Variants in PLBD1 observed in about 807,000 individuals in gnomAD.
The protein encoded by PLBD1 is phospholipase B domain containing 1, also known as lysosomal leucine aminopeptidase.
PLBD1 carries 60 observed loss-of-function variants against 63.0 expected under a neutral mutation model. That is an observed-to-expected ratio of 0.95 (90% CI 0.77 to 1.18). The LOEUF (loss-of-function observed/expected upper bound fraction) is 1.18. Among genes scored for constraint, PLBD1 ranks in the 50% most tolerant of loss-of-function variants. The probability of loss-of-function intolerance (pLI) is 0.00; values close to 1 mark genes in which losing one functional copy is unlikely to be tolerated. For missense variants in PLBD1, 598 were observed against 677.9 expected (o/e 0.88, Z 1.31); for synonymous variants, 262 against 248.0 (o/e 1.06, Z -0.53).
chr12:14,555,324 G>C (rs1352793940), intron 1 of PLBD1, among the ~76,000 whole-genome samples: 1 of 152,132 alleles, frequency 6.6e-6, no homozygotes. Context: ...GATCACCTGA[G>C]GTCAGGGGTT....
chr12:14,508,842 CT>C (rs1195859554), intron 8 of PLBD1, among the ~76,000 whole-genome samples: 1 of 151,988 alleles, frequency 6.6e-6, no homozygotes, highest in East Asian at 1.9e-4. Flanking sequence ...ATTACCATCC[CT>C]TTTTTAAACA....
chr12:14,553,069 A>G, intron 2 of PLBD1, 124 bp downstream of exon 2: 1 of 869,156 alleles, frequency 1.2e-6, no homozygotes, highest in Non-Finnish European at 1.8e-6. Context: ...TGTCTCTATC[A>G]CACATGTGAA....
intron 1 of PLBD1, among the ~76,000 whole-genome samples, chr12:14,554,602 C>G (rs1262587500): frequency 2.0e-5 from 3 of 152,076 alleles, no homozygotes; most frequent in African/African-American, 7.2e-5. Flanking sequence ...TGCACTCACA[C>G]CCTGCACTTC....
chr12:14,540,838 T>C lies in PLBD1; in HGVS notation c.484A>G (p.Thr162Ala). 1.2e-6 allele frequency: 2 copies of C among 1,611,740 alleles called. No homozygotes were observed. The highest frequency in any genetic ancestry group is 1.3e-5 in the African/African-American group (1 of 75,020). ...TCTATTTGTGCCATCACATAGCCTG[T>C]ATGTCTCCAAAATGAATCAGTCTTG... is the stretch of plus-strand genomic sequence containing the variant. ...EYKTDSFWRH[T>A]GYVMAQIDGL... The change falls in exon 4 of 11, where the codon ACA becomes GCA. Residue 162 changes from threonine to alanine, a missense_variant. Thr to Ala is a moderately conservative substitution (Grantham distance 58). Transcript: ENST00000240617.
intron 2 of PLBD1, among the ~76,000 whole-genome samples, chr12:14,550,517 G>C (rs1436146886): frequency 7.9e-5 from 12 of 152,176 alleles, no homozygotes. Flanking sequence ...GAATAGTATA[G>C]CGAGTGTCTT....
At chr12:14,514,736 T>C (rs1218069685) in intron 6 of PLBD1, among the ~76,000 whole-genome samples, 13 of 146,376 alleles carry the variant, frequency 8.9e-5, no homozygotes, top group Non-Finnish European at 2.0e-4. Context: ...ATTATAATCT[T>C]TTTAAATTTT....
intron 8 of PLBD1, among the ~76,000 whole-genome samples, chr12:14,509,355 G>C (rs1209632865): frequency 6.6e-6 from 1 of 152,148 alleles, no homozygotes; most frequent in Non-Finnish European, 1.5e-5. Context: ...AAGAAGAAAA[G>C]ACTACTTTAG....
intron 6 of PLBD1, among the ~76,000 whole-genome samples, chr12:14,527,586 A>G (rs1212679750): frequency 6.6e-6 from 1 of 152,232 alleles, no homozygotes; most frequent in Non-Finnish European, 1.5e-5. Flanking sequence ...TTCCTCCAGC[A>G]CATAAGATTT....
intron 6 of PLBD1, among the ~76,000 whole-genome samples, chr12:14,523,219 A>G (rs996011977): frequency 6.6e-6 from 1 of 151,990 alleles, no homozygotes; most frequent in African/African-American, 2.4e-5. Flanking sequence ...AATAGCAGAC[A>G]ATCAGAAAAA....
intron 6 of PLBD1, among the ~76,000 whole-genome samples, 194 bp downstream of exon 6, chr12:14,535,465 C>A (rs886943555): frequency 2.6e-5 from 4 of 152,172 alleles, no homozygotes; most frequent in Non-Finnish European, 4.4e-5. Flanking sequence ...ATTCTAGTAA[C>A]CTTGTTTATG....
At chr12:14,553,711 G>A (rs1945678797) in intron 1 of PLBD1, 1 of 453,524 alleles carries the variant, frequency 2.2e-6, no homozygotes, top group Non-Finnish European at 4.0e-6. Flanking sequence ...CAGGGCTGGA[G>A]CTGGACCTTA....
At chr12:14,527,610 A>G (rs1945426170) in intron 6 of PLBD1, among the ~76,000 whole-genome samples, 1 of 152,228 alleles carries the variant, frequency 6.6e-6, no homozygotes, top group Admixed American at 6.5e-5. Flanking sequence ...ATTGAAAATT[A>G]AAGACATGCT....
intron 1 of PLBD1, among the ~76,000 whole-genome samples, chr12:14,559,093 A>C (rs1362134326): frequency 2.0e-5 from 3 of 152,228 alleles, no homozygotes; most frequent in African/African-American, 7.2e-5. Context: ...TTAAGCCATT[A>C]TACTTTTCCA....
At chr12:14,507,652 TC>T (rs1565570110) in intron 8 of PLBD1, among the ~76,000 whole-genome samples, 1 of 152,122 alleles carries the variant, frequency 6.6e-6, no homozygotes, top group East Asian at 1.9e-4. Flanking sequence ...TGTTTCTGTT[TC>T]TTTTTTTTTG....
chr12:14,557,641 A>G (rs982744808), intron 1 of PLBD1, among the ~76,000 whole-genome samples: 1 of 152,122 alleles, frequency 6.6e-6, no homozygotes, highest in Non-Finnish European at 1.5e-5. Context: ...TTATGTTTCT[A>G]ATGGACACAT....
chr12:14,539,976 G>A, intron 4 of PLBD1, among the ~76,000 whole-genome samples: 1 of 124,650 alleles, frequency 8.0e-6, no homozygotes, highest in African/African-American at 3.1e-5. Flanking sequence ...ACAAATACTG[G>A]ACAAAATAGA....
chr12:14,518,585 CCTT>C (rs1320849972), intron 6 of PLBD1, among the ~76,000 whole-genome samples: 2 of 152,188 alleles, frequency 1.3e-5, no homozygotes, highest in African/African-American at 2.4e-5. Context: ...CCCACCTCCT[CCTT>C]GTTTTATTGC....
chr12:14,544,479 T>C (rs1235249135), intron 2 of PLBD1, among the ~76,000 whole-genome samples: 1 of 152,158 alleles, frequency 6.6e-6, no homozygotes, highest in Non-Finnish European at 1.5e-5. Flanking sequence ...GGGCCCGTTT[T>C]TTCCATTTTG....
chr12:14,553,779 T>C (rs1945679386), intron 1 of PLBD1: 1 of 283,758 alleles, frequency 3.5e-6, no homozygotes, highest in African/African-American at 2.2e-5. Flanking sequence ...GCTAGTTGTA[T>C]ACCCTTGACT....
Sources: gnomAD v4.1 joint callset for allele counts (sites outside exome capture counted in the v4.1 genomes callset) on GRCh38, gnomAD v4.1.1 for gene constraint, MANE v1.5 for transcripts, NCBI Gene and HGNC (gene_info 2026-07-23, HGNC 2026-07-21) for gene names.